The following BID variants were observed in gnomAD, a reference collection of about 807,000 sequenced individuals.
BID encodes BH3 interacting domain death agonist.
Under a neutral mutation model 17.4 loss-of-function variants are expected in BID, and 19 were observed. The observed-to-expected ratio is 1.09, with a 90% confidence interval of 0.76 to 1.60. The LOEUF (loss-of-function observed/expected upper bound fraction) is 1.60. Ranked by LOEUF, BID falls within the 40% of genes most tolerant of loss-of-function variation. BID has a pLI of 0.00. For missense variants in BID, 226 were observed against 256.0 expected, an observed-to-expected ratio of 0.88 and a Z score of 0.80; for synonymous variants, 108 against 102.8, an observed-to-expected ratio of 1.05 and a Z score of -0.31.
rs201580662 is a variant in BID, at chr22:17,750,188, C to G, written c.-58-14G>C. 2 of 1,609,618 alleles carry G rather than the reference C, an allele frequency of 1.2e-6. No homozygotes were observed. The highest frequency in any genetic ancestry group is 4.5e-5 in the East Asian group (2 of 44,726). ...CCCAGTGGCGACCTGGAAAGGGACA[C>G]ACAGAGTGGGCGGCCGCTCCTGGGA... On this transcript the variant is annotated splice_polypyrimidine_tract_variant and intron_variant, in intron 1 of 5. Coordinates refer to ENST00000622694, the MANE Select transcript of BID (RefSeq NM_001196.4).
Position 17,738,179 on chromosome 22 carries a change from GT to G in BID, c.413del (p.Tyr138SerfsTer38). On this transcript the variant is annotated frameshift_variant, in exon 5 of 6. Transcript: ENST00000622694. LOFTEE classifies it high-confidence loss of function. Reference protein sequence around the residue: ...ATALEQLLQAYPRDMEKEKTM... With the variant: ...ATALEQLLQAXPRDMEKEKTM... The stretch of plus-strand genomic sequence containing the variant: ...TCTTCTCCTTCTCCATGTCTCTAGG[GT>G]AGGCCTGCAGCAGCTGCTCCAGGGC... 1.5e-5 allele frequency: 24 copies of G among 1,613,092 alleles called. No individual in the cohort carries two copies. Among genetic ancestry groups the G allele is most frequent in the Non-Finnish European group, 2.0e-5 (24 of 1,180,034 alleles).
At chr22:17,751,244 C>T (rs374651535) in intron 1 of BID, among the ~76,000 whole-genome samples, 1 of 151,674 alleles carries the variant, frequency 6.6e-6, no homozygotes, top group South Asian at 2.1e-4. Context: ...CGGTGGCGGG[C>T]GCCTGTAGTC....
intron 1 of BID, among the ~76,000 whole-genome samples, chr22:17,753,858 G>A (rs116639124): frequency 0.016 from 2,438 of 152,326 alleles, 60 homozygotes; most frequent in African/African-American, 0.056. Context: ...CTCGCAGTGA[G>A]CAGGGTGAGG....
intron 1 of BID, among the ~76,000 whole-genome samples, chr22:17,754,353 C>T (rs1374672806): frequency 1.3e-5 from 2 of 152,388 alleles, no homozygotes; most frequent in East Asian, 3.9e-4. Context: ...CCAATCCTCA[C>T]CACGGCCTCG....
chr22:17,734,856 A>AAAC lies in BID; in HGVS notation c.*721_*723dup, dbSNP rs2145866780. ...CAGTTAGTTACCTGATTTTGTAAAC[A>AAAC]AACAGTGGCTGACCTGGGCCCTTAA... On this transcript the variant is annotated 3_prime_UTR_variant, in exon 6 of 6. Coordinates refer to ENST00000622694, the MANE Select transcript of BID (RefSeq NM_001196.4). The AAAC allele has an allele frequency of 6.6e-6, 1 of 152,356 alleles. No individual in the cohort carries two copies. The highest frequency in any genetic ancestry group is 2.4e-5 in the African/African-American group (1 of 41,584). The allele number at this position is 152,356 out of a possible 1,614,324, so 9.4% of individuals were successfully genotyped here. A position where few individuals can be genotyped will look rare whatever the true frequency, so the allele number is the denominator to read the frequency against.
intron 3 of BID, 80 bp downstream of exon 3, chr22:17,743,723 T>G (rs1303454336): frequency 3.4e-6 from 5 of 1,454,096 alleles, no homozygotes; most frequent in Non-Finnish European, 4.6e-6. Context: ...CGGGGGTCCC[T>G]TCCAGCCCTG....
intron 5 of BID, among the ~76,000 whole-genome samples, chr22:17,736,160 C>T (rs1320522277): frequency 6.6e-6 from 1 of 152,114 alleles, no homozygotes; most frequent in Non-Finnish European, 1.5e-5. Context: ...TCTGACATGT[C>T]ATAAAATCCC....
chr22:17,740,097 A>C lies in BID; in HGVS notation c.224-609T>G, dbSNP rs776973827. 4 of 1,608,314 alleles carry C rather than the reference A, an allele frequency of 2.5e-6. No homozygotes were observed. In the South Asian group the frequency reaches 4.4e-5, roughly 18 times the overall value. ...GCCCGAGTACCACTGTCGCAGCTCC[A>C]TGAAGGCCACGCTCAACTGCCACGC... is the stretch of plus-strand genomic sequence containing the variant. On this transcript the variant is annotated intron_variant, in intron 3 of 5. Transcript: ENST00000622694.
chr22:17,761,073 AG>A (rs1402158948), intron 1 of BID, among the ~76,000 whole-genome samples: 1 of 152,224 alleles, frequency 6.6e-6, no homozygotes, highest in Admixed American at 6.5e-5. Context: ...CTTCCCGTGC[AG>A]GTCTTACAAG....
intron 1 of BID, among the ~76,000 whole-genome samples, chr22:17,753,111 C>A (rs551614348): frequency 6.8e-6 from 1 of 148,138 alleles, no homozygotes; most frequent in Non-Finnish European, 1.5e-5. Flanking sequence ...GGACTACAGG[C>A]GCCCACCACC....
intron 2 of BID, among the ~76,000 whole-genome samples, chr22:17,747,115 T>G (rs1018901301): frequency 2.6e-5 from 4 of 152,110 alleles, no homozygotes; most frequent in Non-Finnish European, 5.9e-5. Flanking sequence ...AGAGGAGGTC[T>G]AGGTGCCGCA....
intron 1 of BID, among the ~76,000 whole-genome samples, chr22:17,768,058 T>C (rs999277529): frequency 2.0e-5 from 3 of 152,336 alleles, no homozygotes; most frequent in African/African-American, 4.8e-5. Flanking sequence ...ATTCCATTAG[T>C]ATGAAATGTC....
At chr22:17,750,055 C>A in intron 2 of BID, 50 bp downstream of exon 2, 1 of 1,571,592 alleles carries the variant, frequency 6.4e-7, no homozygotes, top group African/African-American at 1.3e-5. Flanking sequence ...AGGCCCTTAC[C>A]CCTCGACCCC....
rs1252704499 is a variant in BID at position 17,773,212 on chromosome 22, C to T, written c.-59+1169G>A. 6.6e-6 allele frequency among the ~76,000 whole-genome samples: 1 copy of T among 152,152 alleles called. No individual in the cohort carries two copies. The highest frequency in any genetic ancestry group is 1.5e-5 in the Non-Finnish European group (1 of 68,016). On this transcript the variant is annotated intron_variant, in intron 1 of 5. Coordinates refer to ENST00000622694, the MANE Select transcript of BID (RefSeq NM_001196.4). The surrounding 1 kb of genome is among the most constrained non-coding windows in gnomAD (Gnocchi z 4.4). Reference sequence around the variant, plus strand: ...GGCTTGGCCAGGGTCGTCCTCCCGGCAGTGCCTCCCTGGAGCTCTGTCTAC... The same window carrying T: ...GGCTTGGCCAGGGTCGTCCTCCCGGTAGTGCCTCCCTGGAGCTCTGTCTAC...
At chr22:17,737,991 A>G in intron 5 of BID, 26 bp downstream of exon 5, 5 of 1,610,966 alleles carry the variant, frequency 3.1e-6, no homozygotes, top group Non-Finnish European at 4.2e-6. Context: ...GCAGGCAGGG[A>G]AGGAGCTGAC....
At chr22:17,758,082 T>TG (rs66461333) in intron 1 of BID, among the ~76,000 whole-genome samples, 2 of 152,170 alleles carry the variant, frequency 1.3e-5, no homozygotes, top group East Asian at 1.9e-4. Context: ...TGTGGCCTCC[T>TG]GGGGGGTCCT....
At chr22:17,762,848 C>T (rs2145914160) in intron 1 of BID, among the ~76,000 whole-genome samples, 1 of 138,404 alleles carries the variant, frequency 7.2e-6, no homozygotes, top group South Asian at 2.2e-4. Context: ...TTGAGAAGTG[C>T]TGCTTTGAGG....
rs2061410366 is a variant in BID at position 17,735,130 on chromosome 22, T to A, written c.*450A>T. ...TGTAAGGGGTATGTTCCTTCTCTGATTCTTGCTTTCCTCAAACAGGATACT... is the reference window on the plus strand; with the variant it reads ...TGTAAGGGGTATGTTCCTTCTCTGAATCTTGCTTTCCTCAAACAGGATACT... On this transcript the variant is annotated 3_prime_UTR_variant, in exon 6 of 6. Coordinates refer to ENST00000622694, the MANE Select transcript of BID (RefSeq NM_001196.4). The A allele has an allele frequency of 6.1e-6, 1 of 163,736 alleles. No homozygotes were observed. The highest frequency in any genetic ancestry group is 1.5e-4 in the South Asian group (1 of 6,536). 10.1% of individuals were successfully genotyped at this position (163,736 alleles called of 1,614,324 possible).
chr22:17,737,322 C>CT (rs538254230), intron 5 of BID, among the ~76,000 whole-genome samples: 3 of 152,090 alleles, frequency 2.0e-5, no homozygotes, highest in Non-Finnish European at 4.4e-5. Flanking sequence ...AGTTCCCCCC[C>CT]TTTTTTGACT....
Sources: allele counts gnomAD v4.1 joint callset (sites outside exome capture counted in the v4.1 genomes callset), GRCh38; gene constraint gnomAD v4.1.1; non-coding constraint Gnocchi (gnomAD v3.1); transcripts MANE v1.5; gene names NCBI Gene and HGNC (gene_info 2026-07-23, HGNC 2026-07-21).